CPEB1: variants seen among roughly 807,000 people sequenced by gnomAD.
CPEB1 encodes cytoplasmic polyadenylation element-binding protein 1.
CPEB1 carries 7 observed loss-of-function variants against 65.8 expected under a neutral mutation model. That is an observed-to-expected ratio of 0.11 (90% CI 0.06 to 0.20). The LOEUF (loss-of-function observed/expected upper bound fraction) is 0.20. Among genes scored for constraint, CPEB1 ranks in the 10% least tolerant of loss-of-function variants. The pLI is 1.00. For missense variants in CPEB1, 551 were observed against 712.2 expected, an observed-to-expected ratio of 0.77 and a Z score of 2.58; for synonymous variants, 262 against 260.0, an observed-to-expected ratio of 1.01 and a Z score of -0.08.
chr15:82,633,963 A>T (rs1393460025), intron 1 of CPEB1, among the ~76,000 whole-genome samples: 1 of 145,346 alleles, frequency 6.9e-6, no homozygotes, highest in African/African-American at 2.5e-5. Context: ...ACCTAAAGGT[A>T]TAAAAAAAAA....
intron 3 of CPEB1, among the ~76,000 whole-genome samples, chr15:82,596,765 T>C (rs2042699100): frequency 6.6e-6 from 1 of 151,460 alleles, no homozygotes; most frequent in African/African-American, 2.4e-5. Flanking sequence ...AAGAAGCATG[T>C]AGTTTTGTTT....
chr15:82,635,824 A>ATTC (rs1430500916), intron 1 of CPEB1, among the ~76,000 whole-genome samples: 5 of 152,204 alleles, frequency 3.3e-5, no homozygotes, highest in African/African-American at 1.2e-4. Flanking sequence ...GAATAATGAA[A>ATTC]ATGCAGAATT....
chr15:82,636,279 CAA>C lies in CPEB1; in HGVS notation c.-97-7725_-97-7724del, dbSNP rs1042911795. 1.2e-4 allele frequency among the ~76,000 whole-genome samples: 18 copies of C among 152,248 alleles called. No individual in the cohort carries two copies. The South Asian group carries it at 3.3e-3, about 28-fold the overall frequency. On this transcript the variant is annotated intron_variant, in intron 1 of 12. Coordinates refer to ENST00000684509, the MANE Select transcript of CPEB1 (RefSeq NM_001365242.1). ...GCCAGCACTGATCTCTCCCCTTCCC[CAA>C]AAAGACACTAAACAACTGCTCCCAA...
chr15:82,628,200 A>T, intron 2 of CPEB1, 164 bp downstream of exon 2: 1 of 702,494 alleles, frequency 1.4e-6, no homozygotes, highest in Non-Finnish European at 2.6e-6. Flanking sequence ...AAAATAATAA[A>T]TTCCTGCTTA....
intron 4 of CPEB1, among the ~76,000 whole-genome samples, chr15:82,570,386 C>G (rs969798313): frequency 1.3e-5 from 2 of 151,042 alleles, no homozygotes; most frequent in African/African-American, 4.9e-5. Flanking sequence ...ACCCCCTCCC[C>G]CCCGCCCCTT....
chr15:82,641,753 C>CAAAAAAAA (rs879553485), intron 1 of CPEB1: 1 of 107,124 alleles, frequency 9.3e-6, no homozygotes, highest in African/African-American at 3.4e-5. Context: ...TTCAAGAATA[C>CAAAAAAAA]AAAAAAAAAA....
chr15:82,627,129 TG>T, intron 3 of CPEB1, 63 bp downstream of exon 3: 1 of 1,294,922 alleles, frequency 7.7e-7, no homozygotes, highest in Non-Finnish European at 1.0e-6. Context: ...ACCTCTTACA[TG>T]CACTACTTAG....
intron 4 of CPEB1, among the ~76,000 whole-genome samples, chr15:82,561,880 G>T (rs540858131): frequency 6.6e-6 from 1 of 152,162 alleles, no homozygotes; most frequent in African/African-American, 2.4e-5. Context: ...ACTCTACTTC[G>T]TTAAGTGCTC....
intron 3 of CPEB1, chr15:82,583,485 A>G (rs901357604): frequency 1.3e-5 from 2 of 152,240 alleles, no homozygotes; most frequent in Non-Finnish European, 2.9e-5. Flanking sequence ...AAAGCCAGTT[A>G]TTTAAAACAG....
intron 4 of CPEB1, among the ~76,000 whole-genome samples, chr15:82,569,841 G>C (rs1227799949): frequency 6.6e-6 from 1 of 152,222 alleles, no homozygotes; most frequent in Non-Finnish European, 1.5e-5. Context: ...TCCTGTGTGA[G>C]TTCTTCTATC....
Position 82,628,117 on chromosome 15 carries a change from G to A in CPEB1, c.96+247C>T, listed in dbSNP as rs1231154367. 4.4e-6 allele frequency: 3 copies of A among 679,494 alleles called. No individual in the cohort carries two copies. In the African/African-American group the frequency reaches 5.4e-5, roughly 12 times the overall value. The allele number at this position is 679,494 out of a possible 1,614,324, so 42.1% of individuals were successfully genotyped here. ...AGAACCCCAATAGAGAGAAGGTCAT[G>A]AAAGTCTAGAAGAATTACACCAGTG... On this transcript the variant is annotated intron_variant, in intron 2 of 12. Coordinates refer to ENST00000684509, the MANE Select transcript of CPEB1 (RefSeq NM_001365242.1).
upstream of CPEB1, chr15:82,648,240 C>T (rs1365851952): frequency 4.3e-6 from 1 of 231,652 alleles, no homozygotes. Context: ...CTTGCCGAGT[C>T]ACTGTCTGCC....
At chr15:82,600,354 T>C (rs1490251108) in intron 3 of CPEB1, among the ~76,000 whole-genome samples, 1 of 152,162 alleles carries the variant, frequency 6.6e-6, no homozygotes, top group African/African-American at 2.4e-5. Context: ...ATAAAGATCA[T>C]TCACTGCCAG....
At chr15:82,553,221 G>C (rs371915335) in intron 8 of CPEB1, among the ~76,000 whole-genome samples, 3 of 152,308 alleles carry the variant, frequency 2.0e-5, no homozygotes, top group East Asian at 1.9e-4. Flanking sequence ...AGTGTACAAG[G>C]AAGGGGTTTC....
chr15:82,645,868 AAAATAAATAAAT>A (rs34934987), intron 1 of CPEB1, among the ~76,000 whole-genome samples: 81 of 149,456 alleles, frequency 5.4e-4, no homozygotes, highest in Admixed American at 1.1e-3. Context: ...ACTCCCTCTC[AAAATAAATAAAT>A]AAATAAATAA....
At chr15:82,636,354 C>T (rs994171547) in intron 1 of CPEB1, among the ~76,000 whole-genome samples, 2 of 152,324 alleles carry the variant, frequency 1.3e-5, no homozygotes, top group Non-Finnish European at 2.9e-5. Flanking sequence ...TCAAGTCTAT[C>T]TTACCCTGCA....
chr15:82,612,844 ACAAAC>A (rs2044306242), intron 3 of CPEB1, among the ~76,000 whole-genome samples: 1 of 151,062 alleles, frequency 6.6e-6, no homozygotes, highest in Non-Finnish European at 1.5e-5. Context: ...AAAAAAAAGA[ACAAAC>A]AAACAAACAA....
intron 3 of CPEB1, among the ~76,000 whole-genome samples, chr15:82,617,355 A>C (rs188281676): frequency 6.6e-6 from 1 of 152,300 alleles, no homozygotes; most frequent in Non-Finnish European, 1.5e-5. Flanking sequence ...GAGGCTATGA[A>C]CATTTGTGTT....
chr15:82,549,439 A>G, intron 10 of CPEB1, 21 bp downstream of exon 10: 1 of 1,614,112 alleles, frequency 6.2e-7, no homozygotes, highest in South Asian at 1.1e-5. Flanking sequence ...AAGCTTTCGC[A>G]CACAGAAGTG....
Sources: gnomAD v4.1 joint callset for allele counts (sites outside exome capture counted in the v4.1 genomes callset) on GRCh38, gnomAD v4.1.1 for gene constraint, MANE v1.5 for transcripts, NCBI Gene and HGNC (gene_info 2026-07-23, HGNC 2026-07-21) for gene names.